C7orf57: variants seen among roughly 807,000 people sequenced by gnomAD.
The protein encoded by C7orf57 is uncharacterized protein C7orf57.
In C7orf57, 33 loss-of-function variants were observed where a neutral mutation model predicts 39.0. The ratio of observed to expected loss-of-function variants is 0.85; its 90% confidence interval spans 0.64 to 1.13. The LOEUF (loss-of-function observed/expected upper bound fraction) is 1.13, where lower values mean the gene tolerates loss of function less well. Ranked by LOEUF, C7orf57 falls within the 50% of genes most tolerant of loss-of-function variation. The pLI, the probability that C7orf57 is intolerant of heterozygous loss-of-function variation, is 0.00. For missense variants in C7orf57, 346 were observed against 362.3 expected, an observed-to-expected ratio of 0.95 and a Z score of 0.37; for synonymous variants, 124 against 137.1, an observed-to-expected ratio of 0.90 and a Z score of 0.67.
chr7:48,035,721 C>T lies in C7orf57; in HGVS notation c.-102+91C>T, dbSNP rs1000704751. On this transcript the variant is annotated intron_variant, in intron 1 of 8. Coordinates refer to ENST00000348904, the MANE Select transcript of C7orf57 (RefSeq NM_001100159.3). This position sits in a 1 kb window ranked among gnomAD's most constrained non-coding sequence, Gnocchi z 4.0. Reference sequence around the variant, plus strand: ...CGGAGCTCGCAGTGCGGGCAGTGCGCGCCGGGGCTGGAGGGAGGGGACCAC... The same window carrying T: ...CGGAGCTCGCAGTGCGGGCAGTGCGTGCCGGGGCTGGAGGGAGGGGACCAC... 2.7e-5 allele frequency: 16 copies of T among 585,568 alleles called. No homozygotes were observed. The highest frequency in any genetic ancestry group is 4.9e-5 in the Non-Finnish European group (16 of 329,592). 36.3% of individuals were successfully genotyped at this position (585,568 alleles called of 1,614,324 possible).
At chr7:48,044,773 G>C (rs1012225303) in intron 4 of C7orf57, among the ~76,000 whole-genome samples, 1 of 152,200 alleles carries the variant, frequency 6.6e-6, no homozygotes, top group Non-Finnish European at 1.5e-5. Context: ...GGGAGCCATC[G>C]TTCCCATAAT....
intron 6 of C7orf57, among the ~76,000 whole-genome samples, chr7:48,051,750 T>TTTTCTTTCTTTCTTTCTTTCTTTC (rs368758672): frequency 1.8e-5 from 1 of 54,624 alleles, no homozygotes; most frequent in African/African-American, 5.3e-5. Context: ...TTTCTTTTTC[T>TTTTCTTTCTTTCTTTCTTTCTTTC]TTTCTTTCTT....
rs961021063 is a variant in C7orf57, at chr7:48,052,839, C to T, written c.745C>T (p.Gln249Ter). The change falls in exon 7 of 9, where the codon CAG becomes TAG. Residue 249 changes from glutamine (Q) to a stop codon, truncating the protein, a stop_gained. Transcript: ENST00000348904. LOFTEE classifies it high-confidence loss of function. Reference sequence around the variant, plus strand: ...GACCTCCAGGGCATCAGTGTTATCTCAGTCCCCACGAGACCTGGAAGGTCC... The same window carrying T: ...GACCTCCAGGGCATCAGTGTTATCTTAGTCCCCACGAGACCTGGAAGGTCC... Reference protein sequence around the residue: ...PKTSRASVLSQSPRDLEGPQD... With the variant: ...PKTSRASVLS 5.0e-6 allele frequency: 8 copies of T among 1,613,916 alleles called. No individual in the cohort carries two copies. The highest frequency in any genetic ancestry group is 2.2e-5 in the East Asian group (1 of 44,886).
At position 48,038,383 on chromosome 7, in the gene C7orf57, T is replaced by TATATATATATAG. The variant is rs148010398; in HGVS notation, c.55+2023_55+2024insTATATATAGATA. ...ATCCATGTCTATCTTTCTATATACA[T>TATATATATATAG]ATAGATAGATAGATAGATAGATAGA... On this transcript the variant is annotated intron_variant, in intron 2 of 8. Transcript: ENST00000348904. Among the ~76,000 whole-genome samples the TATATATATATAG allele has an allele frequency of 5.6e-3, 840 of 150,228 alleles. 2 individuals carry two copies. Among genetic ancestry groups the TATATATATATAG allele is most frequent in the Middle Eastern group, 0.014 (4 of 288 alleles).
chr7:48,050,057 C>A, intron 6 of C7orf57, 80 bp downstream of exon 6: 1 of 914,922 alleles, frequency 1.1e-6, no homozygotes, highest in Non-Finnish European at 1.8e-6. Flanking sequence ...GATGACTGCG[C>A]TAGTGACAGC....
rs145111939 is a variant in C7orf57 at position 48,036,284 on chromosome 7, T to A, written c.-25T>A. On this transcript the variant is annotated 5_prime_UTR_variant, in exon 2 of 9. Coordinates refer to ENST00000348904, the MANE Select transcript of C7orf57 (RefSeq NM_001100159.3). ...CACCAGGTCCGGCAGCATCTGTCTTTTCCCGCAGCGTGCAGCGCCTGACCA... is the reference window on the plus strand; with the variant it reads ...CACCAGGTCCGGCAGCATCTGTCTTATCCCGCAGCGTGCAGCGCCTGACCA... The A allele has an allele frequency of 1.6e-5, 25 of 1,568,298 alleles. No individual in the cohort carries two copies. Among genetic ancestry groups the A allele is most frequent in the Non-Finnish European group, 2.2e-5 (25 of 1,156,820 alleles).
intron 2 of C7orf57, among the ~76,000 whole-genome samples, chr7:48,039,400 G>A (rs1183575704): frequency 6.6e-6 from 1 of 152,046 alleles, no homozygotes; most frequent in East Asian, 1.9e-4. Flanking sequence ...GAGGGTATAA[G>A]GAGGCACGTC....
chr7:48,043,922 C>G (rs1161188255), intron 4 of C7orf57, among the ~76,000 whole-genome samples: 1 of 151,990 alleles, frequency 6.6e-6, no homozygotes, highest in Non-Finnish European at 1.5e-5. Context: ...GTGGGCTGCT[C>G]TCAAGATGGT....
Position 48,046,497 on chromosome 7 carries a change from G to A in C7orf57, c.388G>A (p.Glu130Lys), listed in dbSNP as rs1284082491. The change falls in exon 5 of 9, where the codon GAA becomes AAA. Residue 130 changes from glutamate (E) to lysine (K), a missense_variant. Transcript: ENST00000348904. ...AVSMPDYMVH[E>K]EFNPDQANGS... ...CTCCATGCCGGATTACATGGTTCAT[G>A]AAGAATTTAACCCCGATCAAGCCAA... 6.2e-7 allele frequency: 1 copy of A among 1,613,842 alleles called. No homozygotes were observed. Among genetic ancestry groups the A allele is most frequent in the Non-Finnish European group, 8.5e-7 (1 of 1,179,822 alleles).
At chr7:48,046,421 C>T in intron 4 of C7orf57, 39 bp from the exon 5 acceptor site, 1 of 1,587,072 alleles carries the variant, frequency 6.3e-7, no homozygotes. Context: ...GTGGAAATGG[C>T]TCTGAGCACC....
At chr7:48,045,299 G>GT (rs5884035) in intron 4 of C7orf57, among the ~76,000 whole-genome samples, 130,604 of 152,100 alleles carry the variant, frequency 0.86, 56,616 homozygotes, top group Non-Finnish European at 0.93. Flanking sequence ...TCCCTTTGTT[G>GT]TTTTCAATGC....
chr7:48,051,741 TTC>T (rs1486509639), intron 6 of C7orf57, among the ~76,000 whole-genome samples: 3 of 65,204 alleles, frequency 4.6e-5, no homozygotes, highest in Non-Finnish European at 1.2e-4. Flanking sequence ...TTTCTTTTCT[TTC>T]TTTTTCTTTT....
intron 4 of C7orf57, among the ~76,000 whole-genome samples, chr7:48,045,422 G>T (rs1189304081): frequency 6.6e-6 from 1 of 152,068 alleles, no homozygotes; most frequent in South Asian, 2.1e-4. Flanking sequence ...CACACTCATG[G>T]CTTCTCTTAC....
At chr7:48,040,226 A>G (rs938998625) in intron 2 of C7orf57, among the ~76,000 whole-genome samples, 3 of 152,214 alleles carry the variant, frequency 2.0e-5, no homozygotes, top group Non-Finnish European at 4.4e-5. Context: ...TGGCTTCACC[A>G]GGCCCATGTT....
At position 48,053,110 on chromosome 7, in the gene C7orf57, T is replaced by G. The variant is rs1374099270; in HGVS notation, c.829+187T>G. 1.6e-5 allele frequency: 11 copies of G among 696,946 alleles called. No individual in the cohort carries two copies. In the East Asian group the frequency reaches 3.0e-4, roughly 19 times the overall value. The allele number at this position is 696,946 out of a possible 1,614,324, so 43.2% of individuals were successfully genotyped here. Reference sequence around the variant, plus strand: ...GTAATACATGTTTTGCTCTTTCCTCTTTATTCAAATGAATAGCGGAAGTCA... The same window carrying G: ...GTAATACATGTTTTGCTCTTTCCTCGTTATTCAAATGAATAGCGGAAGTCA... On this transcript the variant is annotated intron_variant, in intron 7 of 8. Transcript: ENST00000348904.
At chr7:48,047,519 C>T (rs1790751653) in intron 5 of C7orf57, among the ~76,000 whole-genome samples, 2 of 152,250 alleles carry the variant, frequency 1.3e-5, no homozygotes, top group East Asian at 3.9e-4. Flanking sequence ...TGAAGGGAAA[C>T]CCCTCAGTTT....
rs375391065 is a variant in C7orf57, at chr7:48,054,619, A to T, written c.841+13A>T. ...GAGTCTTCTCAAAGTGAGTACTTAT[A>T]AAGTAACCAGCACCAAAACACAAAA... is the stretch of plus-strand genomic sequence containing the variant. On this transcript the variant is annotated intron_variant, in intron 8 of 8. Coordinates refer to ENST00000348904, the MANE Select transcript of C7orf57 (RefSeq NM_001100159.3). The T allele has an allele frequency of 2.6e-6, 4 of 1,548,720 alleles. No homozygotes were observed. The African/African-American group carries it at 4.1e-5, about 16-fold the overall frequency.
intron 8 of C7orf57, among the ~76,000 whole-genome samples, chr7:48,059,119 AG>A (rs1562634795): frequency 6.6e-6 from 1 of 152,140 alleles, no homozygotes; most frequent in Non-Finnish European, 1.5e-5. Flanking sequence ...TCTGATGCCA[AG>A]GCTAGTGCTA....
chr7:48,051,662 T>TCC (rs1173541972), intron 6 of C7orf57, among the ~76,000 whole-genome samples: 6 of 140,208 alleles, frequency 4.3e-5, no homozygotes, highest in African/African-American at 1.3e-4. Context: ...CTCCCTTCCT[T>TCC]TCTTCCTTTC....
Sources: gnomAD v4.1 joint callset for allele counts (sites outside exome capture counted in the v4.1 genomes callset) on GRCh38, gnomAD v4.1.1 for gene constraint, Gnocchi (gnomAD v3.1) non-coding constraint, MANE v1.5 for transcripts, NCBI Gene and HGNC (gene_info 2026-07-23, HGNC 2026-07-21) for gene names.